Variants in MAG observed in about 807,000 individuals in gnomAD.
MAG encodes the protein myelin-associated glycoprotein.
MAG carries 30 observed loss-of-function variants against 60.7 expected under a neutral mutation model. The ratio of observed to expected loss-of-function variants is 0.49; its 90% CI spans 0.37 to 0.67. MAG has a LOEUF of 0.67. Among genes scored for constraint, MAG ranks in the 30% least tolerant of loss-of-function variants. The pLI is 0.00. For missense variants in MAG, 795 were observed against 851.7 expected (o/e 0.93, Z 0.83); for synonymous variants, 384 against 376.8 (o/e 1.02, Z -0.22).
chr19:35,292,510 G>C (rs1458570644), intron 1 of MAG, among the ~76,000 whole-genome samples: 1 of 152,102 alleles, frequency 6.6e-6, no homozygotes, highest in Non-Finnish European at 1.5e-5. Context: ...GGGCAGATGG[G>C]GTGGAGGAGG....
intron 4 of MAG, 43 bp downstream of exon 4, chr19:35,296,024 C>T (rs917825568): frequency 2.6e-6 from 4 of 1,525,370 alleles, no homozygotes; most frequent in South Asian, 1.3e-5. Context: ...GCTGGGGCAG[C>T]GGGGCGGGAA....
intron 2 of MAG, among the ~76,000 whole-genome samples, chr19:35,294,916 G>T (rs1429433019): frequency 6.6e-6 from 1 of 152,138 alleles, no homozygotes; most frequent in Admixed American, 6.5e-5. Flanking sequence ...TGCATTCCAG[G>T]CTGGGTGACA....
At chr19:35,310,440 CGGCT>C in intron 8 of MAG, 103 bp from the exon 9 acceptor site, 1 of 1,015,178 alleles carries the variant, frequency 9.9e-7, no homozygotes. Context: ...AAGGATGCCC[CGGCT>C]GTGTGACTAC....
intron 4 of MAG, among the ~76,000 whole-genome samples, chr19:35,296,452 G>C (rs772064542): frequency 6.6e-6 from 1 of 152,222 alleles, no homozygotes; most frequent in Admixed American, 6.5e-5. Context: ...AAAGCAGGGC[G>C]GTGGCTGTCA....
chr19:35,294,341 G>A, intron 2 of MAG, 51 bp downstream of exon 2: 1 of 427,048 alleles, frequency 2.3e-6, no homozygotes, highest in Admixed American at 2.7e-5. Context: ...TTGCAATGCT[G>A]GCCCTGCCTT....
chr19:35,296,123 C>T (rs1489372719), intron 4 of MAG, 142 bp downstream of exon 4: 1 of 1,153,814 alleles, frequency 8.7e-7, no homozygotes, highest in Non-Finnish European at 1.2e-6. Context: ...GGGTGCAAAC[C>T]TCAAGGCCCA....
chr19:35,299,827 G>T lies in MAG; in HGVS notation c.689G>T (p.Gly230Val). The change falls in exon 5 of 11, where the codon GGC (glycine) becomes GTC (valine). Residue 230 changes from glycine (G) to valine (V), a missense_variant. Physicochemically the swap from Gly to Val is moderately radical, Grantham distance 109. Transcript: ENST00000392213. Reference protein sequence around the residue: ...SFPNTTLQFEGYASMDVKYPP... With the variant: ...SFPNTTLQFEVYASMDVKYPP... ...CCCAACACCACCCTGCAGTTCGAGG[G>T]CTACGCCAGCATGGACGTCAAGTGT... 1 of 1,497,920 alleles carries T rather than the reference G, an allele frequency of 6.7e-7. No individual in the cohort carries two copies. Among genetic ancestry groups the T allele is most frequent in the Non-Finnish European group, 8.9e-7 (1 of 1,122,472 alleles). 92.8% of individuals were successfully genotyped at this position (1,497,920 alleles called of 1,614,324 possible).
At chr19:35,312,431 G>A in intron 10 of MAG, 1 of 1,066,752 alleles carries the variant, frequency 9.4e-7, no homozygotes, top group South Asian at 1.3e-5. Context: ...GGTCTCTGGT[G>A]ATGTCCGGGC....
chr19:35,310,929 C>A (rs533479961), intron 9 of MAG, among the ~76,000 whole-genome samples: 1 of 152,202 alleles, frequency 6.6e-6, no homozygotes, highest in South Asian at 2.1e-4. Context: ...GGAACTCTCC[C>A]CTACACACTC....
chr19:35,299,858 T>G lies in MAG; in HGVS notation c.712+8T>G. ...CCAGCATGGACGTCAAGTGTGAGCCTGGGTGCGGGCGGGGCGGGGTGGGGC... is the reference window on the plus strand; with the variant it reads ...CCAGCATGGACGTCAAGTGTGAGCCGGGGTGCGGGCGGGGCGGGGTGGGGC... On this transcript the variant is annotated splice_region_variant and intron_variant, in intron 5 of 10. Transcript: ENST00000392213. The G allele has an allele frequency of 2.6e-6, 2 of 782,356 alleles. No homozygotes were observed. Among genetic ancestry groups the G allele is most frequent in the South Asian group, 4.1e-5 (1 of 24,244 alleles). 48.5% of individuals were successfully genotyped at this position (782,356 alleles called of 1,614,324 possible).
Position 35,310,100 on chromosome 19 carries a change from C to T in MAG, c.1458C>T (p.Val486=). Residue 486 remains valine, a synonymous_variant, in exon 8 of 11, where the codon GTC becomes GTT. Transcript: ENST00000392213. ...LRGQAQAPPR[V]ICTARNLYGA... ...GGCAGGCCCAGGCCCCGCCCCGCGT[C>T]ATCTGCACCGCGAGGAACCTCTATG... The T allele has an allele frequency of 6.2e-7, 1 of 1,612,788 alleles. No homozygotes were observed.
chr19:35,308,170 G>A lies in MAG; in HGVS notation c.1232-1704G>A, dbSNP rs545558131. ...GAGTGAGGCAGGGAGTGAATGATAC[G>A]TGGAGCGAGGTGCAGCTTCCCTGGG... On this transcript the variant is annotated intron_variant, in intron 7 of 10. Coordinates refer to ENST00000392213, the MANE Select transcript of MAG (RefSeq NM_002361.4). Among the ~76,000 whole-genome samples, 5 of 152,316 alleles carry A rather than the reference G, an allele frequency of 3.3e-5. No individual in the cohort carries two copies. In the South Asian group the frequency reaches 1.0e-3, roughly 32 times the overall value.
At chr19:35,301,923 C>T (rs142667349) in intron 6 of MAG, among the ~76,000 whole-genome samples, 1 of 152,302 alleles carries the variant, frequency 6.6e-6, no homozygotes, top group African/African-American at 2.4e-5. Flanking sequence ...CTGGCTCTGC[C>T]CACCTCCTAG....
At chr19:35,308,241 G>A (rs1429440805) in intron 7 of MAG, among the ~76,000 whole-genome samples, 1 of 152,222 alleles carries the variant, frequency 6.6e-6, no homozygotes, top group Non-Finnish European at 1.5e-5. Flanking sequence ...AGTTTGGAGC[G>A]AGGGAGGGCG....
At chr19:35,309,718 C>G (rs777363118) in intron 7 of MAG, 156 bp from the exon 8 acceptor site, 23 of 811,564 alleles carry the variant, frequency 2.8e-5, no homozygotes, top group Non-Finnish European at 4.5e-5. Context: ...CGCTCTCAGT[C>G]AGGACAGAGA....
rs565511902 is a variant in MAG, at chr19:35,295,313, C to T, written c.-23-73C>T. 3.4e-6 allele frequency: 4 copies of T among 1,182,410 alleles called. No homozygotes were observed. In the African/African-American group the frequency reaches 4.5e-5, roughly 13 times the overall value. The allele number at this position is 1,182,410 out of a possible 1,614,324, so 73.2% of individuals were successfully genotyped here. On this transcript the variant is annotated intron_variant, in intron 2 of 10. Coordinates refer to ENST00000392213, the MANE Select transcript of MAG (RefSeq NM_002361.4). This position sits in a 1 kb window ranked among gnomAD's most constrained non-coding sequence, Gnocchi z 5.8. ...AGCAGCAGCTAACATATGAATGGGC[C>T]CCTTCCTGAAGCCCAGATGGAACAC...
In MAG at chr19:35,299,877, G is replaced by T. The variant is rs1316284621; in HGVS notation, c.712+27G>T. On this transcript the variant is annotated intron_variant, in intron 5 of 10. Coordinates refer to ENST00000392213, the MANE Select transcript of MAG (RefSeq NM_002361.4). ...TGAGCCTGGGTGCGGGCGGGGCGGGGTGGGGCGGGGTGGGGCGGGGTCCGG... is the reference window on the plus strand; with the variant it reads ...TGAGCCTGGGTGCGGGCGGGGCGGGTTGGGGCGGGGTGGGGCGGGGTCCGG... 5 of 1,074,846 alleles carry T rather than the reference G, an allele frequency of 4.7e-6. No individual in the cohort carries two copies. In the African/African-American group the frequency reaches 7.4e-5, roughly 16 times the overall value. 66.6% of individuals were successfully genotyped at this position (1,074,846 alleles called of 1,614,324 possible).
At chr19:35,308,597 A>C (rs906329991) in intron 7 of MAG, among the ~76,000 whole-genome samples, 1 of 152,228 alleles carries the variant, frequency 6.6e-6, no homozygotes, top group Non-Finnish European at 1.5e-5. Flanking sequence ...TCCAGTAACT[A>C]TCATGAGTAT....
chr19:35,304,019 C>T (rs980781129), intron 7 of MAG, among the ~76,000 whole-genome samples: 7 of 152,146 alleles, frequency 4.6e-5, no homozygotes, highest in African/African-American at 1.7e-4. Flanking sequence ...CCAGAAGGTT[C>T]GATGACATTC....
Sources: gnomAD v4.1 joint callset for allele counts (sites outside exome capture counted in the v4.1 genomes callset) on GRCh38, gnomAD v4.1.1 for gene constraint, Gnocchi (gnomAD v3.1) non-coding constraint, MANE v1.5 for transcripts, NCBI Gene and HGNC (gene_info 2026-07-23, HGNC 2026-07-21) for gene names.